The following AFP variants were observed in gnomAD, a reference collection of about 807,000 sequenced individuals.
The protein encoded by AFP is alpha-fetoprotein.
In AFP, 64 loss-of-function variants were observed where a neutral mutation model predicts 78.9. The ratio of observed to expected loss-of-function variants is 0.81; its 90% confidence interval spans 0.66 to 1.00. AFP has a LOEUF of 1.00. Among genes scored for constraint, AFP ranks in the 50% least tolerant of loss-of-function variants. The pLI is 0.00. For missense variants in AFP, 689 were observed against 703.8 expected, an observed-to-expected ratio of 0.98 and a Z score of 0.24; for synonymous variants, 254 against 243.8, an observed-to-expected ratio of 1.04 and a Z score of -0.39.
In AFP at chr4:73,443,395, C is replaced by T; in HGVS notation, c.664C>T (p.His222Tyr). 6.2e-7 allele frequency: 1 copy of T among 1,613,758 alleles called. No homozygotes were observed. Among genetic ancestry groups the T allele is most frequent in the Non-Finnish European group, 8.5e-7 (1 of 1,179,730 alleles). ...ELRESSLLNQ[H>Y]ACAVMKNFGT... ...AAGAGAAAGCAGCTTGTTAAATCAA[C>T]ATGCATGTGCAGTAATGAAAAATTT... Residue 222 changes from histidine to tyrosine, a missense_variant, in exon 6 of 15, where the codon CAT (histidine) becomes TAT (tyrosine). His to Tyr is a moderately conservative substitution (Grantham distance 83). Transcript: ENST00000395792.
At position 73,455,238 on chromosome 4, in the gene AFP, A is replaced by G; in HGVS notation, c.1788A>G (p.Gly596=). The change falls in exon 14 of 15, where the codon GGA becomes GGG. Residue 596 remains glycine, a splice_region_variant and synonymous_variant. Transcript: ENST00000395792. ...QEQEVCFAEE[G]QKLISKTRAA... ...TTATGTTTATTCTTAATTTTCAGGG[A>G]CAAAAACTGATTTCAAAAACTCGTG... The G allele has an allele frequency of 6.2e-7, 1 of 1,611,028 alleles. No individual in the cohort carries two copies. Among genetic ancestry groups the G allele is most frequent in the Non-Finnish European group, 8.5e-7 (1 of 1,177,564 alleles).
chr4:73,448,064 C>T (rs1019767654), intron 8 of AFP, among the ~76,000 whole-genome samples: 1 of 151,766 alleles, frequency 6.6e-6, no homozygotes, highest in Non-Finnish European at 1.5e-5. Context: ...TGAACTCTTG[C>T]TACGCATGTT....
rs562177118 is a variant in AFP, at chr4:73,443,456, T to C, written c.713+12T>C. 1.7e-4 allele frequency: 268 copies of C among 1,583,872 alleles called. 2 individuals carry two copies. In the South Asian group the frequency reaches 2.7e-3, roughly 16 times the overall value. On this transcript the variant is annotated intron_variant, in intron 6 of 14. Coordinates refer to ENST00000395792, the MANE Select transcript of AFP (RefSeq NM_001134.3). ...ACTTTCCAAGCCATGTAAGTTCAAG[T>C]TCTATCTAGGGAAGAGGGTGAGAGC... is the stretch of plus-strand genomic sequence containing the variant.
intron 9 of AFP, 74 bp from the exon 10 acceptor site, chr4:73,449,962 A>G (rs1719937912): frequency 6.6e-6 from 6 of 915,030 alleles, no homozygotes; most frequent in Non-Finnish European, 1.0e-5. Flanking sequence ...AGTATATAAT[A>G]TTGATCAATT....
In AFP at chr4:73,438,216, C is replaced by T. The variant is rs892791342; in HGVS notation, c.180C>T (p.Tyr60=). 5 of 1,613,354 alleles carry T rather than the reference C, an allele frequency of 3.1e-6. No homozygotes were observed. The highest frequency in any genetic ancestry group is 3.4e-6 in the Non-Finnish European group (4 of 1,179,512). ...CCCAGTTTGTTCAAGAAGCCACTTA[C>T]AAGGAAGTAAGCAAAATGGTGAAAG... ...FFAQFVQEAT[Y]KEVSKMVKDA... Residue 60 remains tyrosine, a synonymous_variant, in exon 3 of 15, where the codon TAC becomes TAT. Coordinates refer to ENST00000395792, the MANE Select transcript of AFP (RefSeq NM_001134.3).
chr4:73,453,104 A>C (rs1407904708), intron 12 of AFP, among the ~76,000 whole-genome samples: 1 of 152,198 alleles, frequency 6.6e-6, no homozygotes, highest in East Asian at 1.9e-4. Flanking sequence ...GCTCTTTTGT[A>C]ATGGTGATGG....
intron 10 of AFP, chr4:73,450,411 G>A (rs1342064837): frequency 1.4e-6 from 1 of 710,712 alleles, no homozygotes; most frequent in Non-Finnish European, 2.3e-6. Flanking sequence ...CTTTTTCATT[G>A]TGATATGCTT....
chr4:73,452,522 T>C lies in AFP; in HGVS notation c.1550T>C (p.Val517Ala). 6.2e-7 allele frequency: 1 copy of C among 1,614,102 alleles called. No homozygotes were observed. Among genetic ancestry groups the C allele is most frequent in the Non-Finnish European group, 8.5e-7 (1 of 1,179,956 alleles). The change falls in exon 12 of 15, where the codon GTG becomes GCG. Residue 517 changes from valine (V) to alanine (A), a missense_variant. Coordinates refer to ENST00000395792, the MANE Select transcript of AFP (RefSeq NM_001134.3). The part of the protein sequence containing the change: ...NRRPCFSSLV[V>A]DETYVPPAFS... ...AGGCCATGCTTCAGCAGCTTGGTGGTGGATGAAACATATGTCCCTCCTGCA... is the reference window on the plus strand; with the variant it reads ...AGGCCATGCTTCAGCAGCTTGGTGGCGGATGAAACATATGTCCCTCCTGCA...
At chr4:73,438,149 G>T (rs759205973) in intron 2 of AFP, 25 bp from the exon 3 acceptor site, 22 of 1,612,524 alleles carry the variant, frequency 1.4e-5, no homozygotes, top group Admixed American at 1.7e-5. Flanking sequence ...TGTTCCTTAA[G>T]GATTCACACG....
chr4:73,455,009 C>T (rs1487658531), intron 13 of AFP, among the ~76,000 whole-genome samples: 7 of 152,052 alleles, frequency 4.6e-5, no homozygotes, highest in African/African-American at 9.7e-5. Flanking sequence ...ATTGAGAATA[C>T]GCATTGATTT....
chr4:73,439,510 T>C (rs1007651417), intron 3 of AFP, among the ~76,000 whole-genome samples: 1 of 152,246 alleles, frequency 6.6e-6, no homozygotes, highest in Non-Finnish European at 1.5e-5. Context: ...AAGGTAATGT[T>C]ACAGATCGCT....
intron 7 of AFP, 78 bp downstream of exon 7, chr4:73,445,200 GTTGT>G: frequency 6.4e-6 from 10 of 1,564,846 alleles, no homozygotes; most frequent in Non-Finnish European, 8.8e-6. Flanking sequence ...AAGGGAGAAG[GTTGT>G]TTGACTTGAA....
chr4:73,447,612 A>T lies in AFP; in HGVS notation c.994A>T (p.Arg332Trp). 1 of 1,612,016 alleles carries T rather than the reference A, an allele frequency of 6.2e-7. No homozygotes were observed. Among genetic ancestry groups the T allele is most frequent in the Non-Finnish European group, 8.5e-7 (1 of 1,179,640 alleles). The part of the protein sequence containing the change: ...KPEGLSPNLN[R>W]FLGDRDFNQF... ...TGAAGGTCTATCTCCAAATCTAAAC[A>T]GGTTTTTAGGAGATAGAGATTTTAA... The change falls in exon 8 of 15, where the codon AGG becomes TGG. Residue 332 changes from arginine to tryptophan, a missense_variant. Arg to Trp is a moderately radical substitution (Grantham distance 101, BLOSUM62 -3). Transcript: ENST00000395792.
Position 73,452,540 on chromosome 4 carries a change from C to T in AFP, c.1568C>T (p.Pro523Leu). The change falls in exon 12 of 15, where the codon CCT becomes CTT. Residue 523 changes from proline to leucine, a missense_variant. Coordinates refer to ENST00000395792, the MANE Select transcript of AFP (RefSeq NM_001134.3). ...SSLVVDETYV[P>L]PAFSDDKFIF... Reference sequence around the variant, plus strand: ...TTGGTGGTGGATGAAACATATGTCCCTCCTGCATTCTCTGATGACAAGTTC... The same window carrying T: ...TTGGTGGTGGATGAAACATATGTCCTTCCTGCATTCTCTGATGACAAGTTC... 10 of 1,614,034 alleles carry T rather than the reference C, an allele frequency of 6.2e-6. No individual in the cohort carries two copies. Among genetic ancestry groups the T allele is most frequent in the Non-Finnish European group, 7.6e-6 (9 of 1,179,966 alleles).
chr4:73,444,719 G>T (rs1480111822), intron 6 of AFP, among the ~76,000 whole-genome samples: 1 of 152,014 alleles, frequency 6.6e-6, no homozygotes, highest in African/African-American at 2.4e-5. Flanking sequence ...GGGTTGAATG[G>T]CAAAAATAAT....
Position 73,453,897 on chromosome 4 carries a change from G to A in AFP, c.1785G>A (p.Glu595=). ...GQEQEVCFAE[E]GQKLISKTRA... Reference sequence around the variant, plus strand: ...AACAGGAAGTCTGCTTTGCTGAAGAGGTACATGCAGCTCATTTCATACTCA... The same window carrying A: ...AACAGGAAGTCTGCTTTGCTGAAGAAGTACATGCAGCTCATTTCATACTCA... Residue 595 remains glutamate (E), a splice_region_variant and synonymous_variant, in exon 13 of 15, where the codon GAG becomes GAA. Coordinates refer to ENST00000395792, the MANE Select transcript of AFP (RefSeq NM_001134.3). The A allele has an allele frequency of 6.2e-7, 1 of 1,613,430 alleles. No homozygotes were observed. Among genetic ancestry groups the A allele is most frequent in the African/African-American group, 1.3e-5 (1 of 74,952 alleles).
rs138531623 is a variant in AFP, at chr4:73,450,677, C to T, written c.1352C>T (p.Thr451Ile). 2.3e-4 allele frequency: 369 copies of T among 1,614,156 alleles called. 2 individuals carry two copies. The African/African-American group carries it at 3.1e-3, about 14-fold the overall frequency. Residue 451 changes from threonine (T) to isoleucine (I), a missense_variant, in exon 11 of 15, where the codon ACC becomes ATC. Coordinates refer to ENST00000395792, the MANE Select transcript of AFP (RefSeq NM_001134.3). Reference protein sequence around the residue: ...QLTSSELMAITRKMAATAATC... With the variant: ...QLTSSELMAIIRKMAATAATC... ...ACCTCGTCGGAGCTGATGGCCATCA[C>T]CAGAAAAATGGCAGCCACAGCAGCC...
chr4:73,449,222 T>C, intron 8 of AFP, 113 bp from the exon 9 acceptor site: 1 of 939,986 alleles, frequency 1.1e-6, no homozygotes, highest in Non-Finnish European at 1.6e-6. Flanking sequence ...TCAGGTTTAT[T>C]TATTTGAATT....
rs376796773 is a variant in AFP at position 73,442,445 on chromosome 4, G to A, written c.615+17G>A. 1 of 1,613,656 alleles carries A rather than the reference G, an allele frequency of 6.2e-7. No individual in the cohort carries two copies. Among genetic ancestry groups the A allele is most frequent in the Admixed American group, 1.7e-5 (1 of 60,014 alleles). On this transcript the variant is annotated intron_variant, in intron 5 of 14. Transcript: ENST00000395792. ...CAAACAAAGGTATCATATTTGCGTG[G>A]ATATCTGAACCAGTACTGTAGTCTA...
Sources: gnomAD v4.1 joint callset for allele counts (sites outside exome capture counted in the v4.1 genomes callset) on GRCh38, gnomAD v4.1.1 for gene constraint, MANE v1.5 for transcripts, NCBI Gene and HGNC (gene_info 2026-07-23, HGNC 2026-07-21) for gene names.